UNC5C: variants seen among roughly 807,000 people sequenced by gnomAD.
UNC5C encodes the protein unc-5 netrin receptor C.
A neutral mutation model predicts 99.8 loss-of-function variants in UNC5C; 47 were observed. The ratio of observed to expected loss-of-function variants is 0.47; its 90% CI spans 0.37 to 0.60. The LOEUF (loss-of-function observed/expected upper bound fraction) is 0.60. Among genes scored for constraint, UNC5C ranks in the 20% least tolerant of loss-of-function variants. The pLI is 0.00. For missense variants in UNC5C, 1,062 were observed against 1,165.9 expected (o/e 0.91, Z 1.30); for synonymous variants, 487 against 452.2 (o/e 1.08, Z -0.98).
intron 10 of UNC5C, among the ~76,000 whole-genome samples, chr4:95,213,390 G>A (rs1393318595): frequency 3.3e-5 from 5 of 152,190 alleles, no homozygotes; most frequent in African/African-American, 4.8e-5. Flanking sequence ...CAAAGGCGTC[G>A]CCGCCTTTCC....
At chr4:95,281,753 TA>T (rs1310871838) in intron 3 of UNC5C, among the ~76,000 whole-genome samples, 2 of 152,188 alleles carry the variant, frequency 1.3e-5, no homozygotes, top group African/African-American at 4.8e-5. Context: ...TTCATTTTGG[TA>T]CATGTTAGGT....
At chr4:95,273,477 G>A (rs566169431) in intron 4 of UNC5C, among the ~76,000 whole-genome samples, 1 of 152,250 alleles carries the variant, frequency 6.6e-6, no homozygotes, top group East Asian at 1.9e-4. Flanking sequence ...TGAGCAAAGA[G>A]GATTAATTTC....
intron 14 of UNC5C, among the ~76,000 whole-genome samples, chr4:95,170,953 G>C (rs1736074708): frequency 6.6e-6 from 1 of 152,222 alleles, no homozygotes; most frequent in Admixed American, 6.5e-5. Flanking sequence ...AGGGCAAGTT[G>C]TTAATGGCAT....
chr4:95,521,199 CTT>C (rs59814808), intron 1 of UNC5C, among the ~76,000 whole-genome samples: 23,637 of 137,940 alleles, frequency 0.17, 2,752 homozygotes, highest in African/African-American at 0.34. Context: ...TCTTCTTCTT[CTT>C]TTTTTTTTCT....
At chr4:95,278,091 T>C (rs2149394052) in intron 4 of UNC5C, among the ~76,000 whole-genome samples, 168 bp downstream of exon 4, 1 of 152,348 alleles carries the variant, frequency 6.6e-6, no homozygotes, top group East Asian at 1.9e-4. Flanking sequence ...TCCCAAGTCA[T>C]TAATCAGTTC....
Position 95,356,211 on chromosome 4 carries a change from AACAAAAC to A in UNC5C, c.125-20587_125-20581del, listed in dbSNP as rs1189440115. Among the ~76,000 whole-genome samples the A allele has an allele frequency of 8.7e-3, 761 of 87,688 alleles. 37 individuals carry two copies. The highest frequency in any genetic ancestry group is 0.034 in the African/African-American group (659 of 19,532). 57.5% of individuals were successfully genotyped at this position (87,688 alleles called of 152,430 possible). ...CCTGTAGCAAAAAAAAAAAAAAAAAAACAAAACAAAAAAAAAACAGATTCCTCGTTCT... is the reference window on the plus strand; with the variant it reads ...CCTGTAGCAAAAAAAAAAAAAAAAAAAAAAAAAAAACAGATTCCTCGTTCT... On this transcript the variant is annotated intron_variant, in intron 1 of 15. Coordinates refer to ENST00000453304, the MANE Select transcript of UNC5C (RefSeq NM_003728.4).
At chr4:95,384,619 A>G (rs1284307054) in intron 1 of UNC5C, among the ~76,000 whole-genome samples, 1 of 152,180 alleles carries the variant, frequency 6.6e-6, no homozygotes, top group Non-Finnish European at 1.5e-5. Context: ...AGAAGCTTGA[A>G]TGACATCCTG....
chr4:95,247,501 G>A (rs959927361), intron 5 of UNC5C, among the ~76,000 whole-genome samples: 2 of 152,152 alleles, frequency 1.3e-5, no homozygotes, highest in African/African-American at 4.8e-5. Flanking sequence ...GTTCTGCTGG[G>A]ATTTTAATGA....
chr4:95,322,114 A>G (rs764324103), intron 2 of UNC5C, among the ~76,000 whole-genome samples: 20 of 152,378 alleles, frequency 1.3e-4, no homozygotes, highest in Non-Finnish European at 2.5e-4. Flanking sequence ...ATGAGGTTCA[A>G]GTAGAGTTTT....
chr4:95,513,827 C>A (rs1722141051), intron 1 of UNC5C, among the ~76,000 whole-genome samples: 1 of 152,104 alleles, frequency 6.6e-6, no homozygotes, highest in African/African-American at 2.4e-5. Context: ...TGACAAGTCT[C>A]TTAAATGTAT....
rs749134400 is a variant in UNC5C at position 95,548,741 on chromosome 4, G to A, written c.117C>T (p.Ala39=). Residue 39 remains alanine (A), a synonymous_variant, in exon 1 of 16, where the codon GCC becomes GCT. Coordinates refer to ENST00000453304, the MANE Select transcript of UNC5C (RefSeq NM_003728.4). The part of the protein sequence containing the change: ...ALLSASGTGS[A]AQDDDFFHEL... ...CTTGGCGGACCCCCTTACCTTGGGC[G>A]GCGGAGCCAGTGCCGCTGGCGCTGA... is the stretch of plus-strand genomic sequence containing the variant. 2 of 1,612,658 alleles carry A rather than the reference G, an allele frequency of 1.2e-6. No homozygotes were observed. Among genetic ancestry groups the A allele is most frequent in the East Asian group, 2.2e-5 (1 of 44,784 alleles).
intron 4 of UNC5C, among the ~76,000 whole-genome samples, chr4:95,276,718 G>T (rs184134381): frequency 6.6e-6 from 1 of 152,028 alleles, no homozygotes; most frequent in East Asian, 1.9e-4. Flanking sequence ...CTTCCTAGTC[G>T]TATTAAATCA....
intron 14 of UNC5C, among the ~76,000 whole-genome samples, chr4:95,182,457 A>C (rs1291311170): frequency 6.6e-6 from 1 of 152,056 alleles, no homozygotes; most frequent in Non-Finnish European, 1.5e-5. Context: ...CTTCCACTCC[A>C]CCCAGCAGCA....
intron 3 of UNC5C, among the ~76,000 whole-genome samples, chr4:95,291,009 G>A (rs1362830662): frequency 1.3e-5 from 2 of 152,142 alleles, no homozygotes; most frequent in Non-Finnish European, 2.9e-5. Context: ...CTTTAGAAGG[G>A]AGGACAATTT....
chr4:95,518,491 T>C (rs1357132771), intron 1 of UNC5C, among the ~76,000 whole-genome samples: 1 of 152,224 alleles, frequency 6.6e-6, no homozygotes. Context: ...AAATTGACTT[T>C]AAATATGCAT....
At chr4:95,404,526 T>C (rs1376808293) in intron 1 of UNC5C, among the ~76,000 whole-genome samples, 1 of 152,192 alleles carries the variant, frequency 6.6e-6, no homozygotes, top group Non-Finnish European at 1.5e-5. Flanking sequence ...AACTGTATAA[T>C]AATGGGCCAC....
At chr4:95,357,132 T>TTTG (rs1744233937) in intron 1 of UNC5C, among the ~76,000 whole-genome samples, 1 of 94,596 alleles carries the variant, frequency 1.1e-5, no homozygotes, top group Non-Finnish European at 2.1e-5. Flanking sequence ...TTTCCTTTTT[T>TTTG]TTGTTTTTTT....
rs142939363 is a variant in UNC5C at position 95,459,672 on chromosome 4, T to G, written c.124+89062A>C. On this transcript the variant is annotated intron_variant, in intron 1 of 15. Transcript: ENST00000453304. ...AAAGACTGTTTTATCAAGGACAACA[T>G]AGTTAGAGGAAGAGCAGTTAGTATA... 3.9e-5 allele frequency among the ~76,000 whole-genome samples: 6 copies of G among 152,282 alleles called. No individual in the cohort carries two copies. The East Asian group carries it at 1.2e-3, about 29-fold the overall frequency.
intron 14 of UNC5C, among the ~76,000 whole-genome samples, chr4:95,173,452 G>C (rs1277878750): frequency 9.6e-5 from 14 of 145,634 alleles, no homozygotes; most frequent in Admixed American, 2.1e-4. Flanking sequence ...CAGCATGAAG[G>C]GTTGTTGAAT....
Sources: allele counts gnomAD v4.1 joint callset (sites outside exome capture counted in the v4.1 genomes callset), GRCh38; gene constraint gnomAD v4.1.1; transcripts MANE v1.5; gene names NCBI Gene and HGNC (gene_info 2026-07-23, HGNC 2026-07-21).